DPYD: variants seen among roughly 807,000 people sequenced by gnomAD.
The protein encoded by DPYD is dihydropyrimidine dehydrogenase.
In DPYD, 109 loss-of-function variants were observed where a neutral mutation model predicts 116.2. The ratio of observed to expected loss-of-function variants is 0.94; its 90% CI spans 0.80 to 1.10. The LOEUF is 1.10. Among genes scored for constraint, DPYD ranks in the 50% least tolerant of loss-of-function variants. DPYD has a pLI of 0.00. For synonymous variants in DPYD, 440 were observed against 432.0 expected, an observed-to-expected ratio of 1.02 and a Z score of -0.23; for missense variants, 1,302 against 1,254.5, an observed-to-expected ratio of 1.04 and a Z score of -0.57.
At chr1:97,920,827 C>A (rs987484680) in intron 1 of DPYD, 57 bp downstream of exon 1, 2 of 1,561,336 alleles carry the variant, frequency 1.3e-6, no homozygotes, top group African/African-American at 1.4e-5. Flanking sequence ...CGGCACCTAC[C>A]CGCAGAGCAC....
At chr1:97,224,401 T>G (rs1222459565) in intron 19 of DPYD, among the ~76,000 whole-genome samples, 3 of 152,040 alleles carry the variant, frequency 2.0e-5, no homozygotes, top group African/African-American at 7.2e-5. Context: ...ATTATACAGA[T>G]TTAAGTGTAC....
chr1:97,918,045 A>G (rs967844334), intron 1 of DPYD, among the ~76,000 whole-genome samples: 3 of 152,188 alleles, frequency 2.0e-5, no homozygotes, highest in African/African-American at 7.2e-5. Flanking sequence ...TTTGTATTAA[A>G]GTCATCGTTG....
chr1:97,822,577 C>A (rs1571416561), intron 3 of DPYD, among the ~76,000 whole-genome samples: 1 of 151,576 alleles, frequency 6.6e-6, no homozygotes. Context: ...ATAATATATT[C>A]CTAGAAGGTA....
intron 11 of DPYD, among the ~76,000 whole-genome samples, chr1:97,558,360 TG>T (rs944238885): frequency 6.6e-6 from 1 of 152,148 alleles, no homozygotes; most frequent in Non-Finnish European, 1.5e-5. Flanking sequence ...GGTCAAAAAA[TG>T]TAGTATTTGT....
chr1:97,203,625 T>TA (rs1189994428), intron 19 of DPYD, among the ~76,000 whole-genome samples: 1 of 39,162 alleles, frequency 2.6e-5, no homozygotes, highest in African/African-American at 1.1e-4. Flanking sequence ...TAAAGTATAA[T>TA]AAAAAAAATA....
intron 18 of DPYD, among the ~76,000 whole-genome samples, chr1:97,237,491 A>G (rs1291899864): frequency 6.6e-6 from 1 of 152,144 alleles, no homozygotes; most frequent in Non-Finnish European, 1.5e-5. Flanking sequence ...TTGGATACAA[A>G]GTATTAAGTT....
intron 18 of DPYD, among the ~76,000 whole-genome samples, chr1:97,277,542 C>G (rs1189748270): frequency 6.6e-6 from 1 of 152,066 alleles, no homozygotes; most frequent in Non-Finnish European, 1.5e-5. Flanking sequence ...CATGCTCAGC[C>G]CAAACTATTT....
intron 7 of DPYD, among the ~76,000 whole-genome samples, chr1:97,681,343 A>G (rs1466285808): frequency 6.6e-6 from 1 of 152,122 alleles, no homozygotes; most frequent in Non-Finnish European, 1.5e-5. Flanking sequence ...TTGTGTTTCA[A>G]GAATATAAAG....
intron 8 of DPYD, among the ~76,000 whole-genome samples, chr1:97,615,306 A>G (rs1264820667): frequency 1.3e-5 from 2 of 152,110 alleles, no homozygotes; most frequent in Non-Finnish European, 2.9e-5. Flanking sequence ...TTTTTGAACT[A>G]TGAGATGATC....
At chr1:97,402,112 C>G (rs995904417) in intron 14 of DPYD, among the ~76,000 whole-genome samples, 8 of 152,096 alleles carry the variant, frequency 5.3e-5, no homozygotes, top group Non-Finnish European at 1.0e-4. Context: ...TCTGGGTCTT[C>G]TAGCATGCCT....
intron 8 of DPYD, among the ~76,000 whole-genome samples, chr1:97,605,628 T>C (rs1051876426): frequency 2.0e-5 from 3 of 152,054 alleles, no homozygotes; most frequent in Admixed American, 2.0e-4. Context: ...AACCAACTAA[T>C]ATACTACTTC....
At chr1:97,712,332 T>C (rs1662334468) in intron 5 of DPYD, among the ~76,000 whole-genome samples, 1 of 152,094 alleles carries the variant, frequency 6.6e-6, no homozygotes, top group South Asian at 2.1e-4. Flanking sequence ...TTTATGCCTC[T>C]ATCCAGCCCA....
intron 8 of DPYD, among the ~76,000 whole-genome samples, chr1:97,615,087 A>G (rs934165265): frequency 6.6e-6 from 1 of 152,162 alleles, no homozygotes; most frequent in African/African-American, 2.4e-5. Context: ...ACATTTGGAA[A>G]CTTGCATAAC....
At chr1:97,830,967 A>G (rs1368986290) in intron 2 of DPYD, among the ~76,000 whole-genome samples, 7 of 152,208 alleles carry the variant, frequency 4.6e-5, no homozygotes. Flanking sequence ...CAAAATGAGT[A>G]TTAGGCTAAC....
At chr1:97,155,641 T>A (rs1655391196) in intron 20 of DPYD, among the ~76,000 whole-genome samples, 1 of 152,190 alleles carries the variant, frequency 6.6e-6, no homozygotes, top group South Asian at 2.1e-4. Flanking sequence ...TTGATATTAT[T>A]ATTTCACAGA....
chr1:97,534,137 A>C (rs1216145633), intron 12 of DPYD, among the ~76,000 whole-genome samples: 2 of 152,184 alleles, frequency 1.3e-5, no homozygotes, highest in Non-Finnish European at 2.9e-5. Context: ...TTCATTGGCC[A>C]ACCACCAACA....
rs746758760 is a variant in DPYD at position 97,193,063 on chromosome 1, A to G, written c.2622+6T>C. ...CAAGAATAACACAGGAGATTTAAGC[A>G]CATACCTTGTCCATGAGTTCAGCTA... On this transcript the variant is annotated splice_donor_region_variant and intron_variant, in intron 20 of 22. Coordinates refer to ENST00000370192, the MANE Select transcript of DPYD (RefSeq NM_000110.4). The G allele has an allele frequency of 5.6e-6, 9 of 1,613,692 alleles. No homozygotes were observed. In the African/African-American group the frequency reaches 1.1e-4, roughly 19 times the overall value.
intron 5 of DPYD, among the ~76,000 whole-genome samples, chr1:97,708,054 G>A (rs1662081693): frequency 1.3e-5 from 2 of 151,920 alleles, no homozygotes; most frequent in Non-Finnish European, 2.9e-5. Flanking sequence ...CCCCAGGCTG[G>A]TCTCAAACTC....
Position 97,625,318 on chromosome 1 carries a change from A to AC in DPYD, c.851-30153_851-30152insG, listed in dbSNP as rs201556458. The stretch of plus-strand genomic sequence containing the variant: ...TCTAATTGGAAGGATTACATGTAAG[A>AC]AGAATTTCTGAACAAGAGTCTGCCT... On this transcript the variant is annotated intron_variant, in intron 8 of 22. Transcript: ENST00000370192. 8.7e-3 allele frequency among the ~76,000 whole-genome samples: 1,321 copies of AC among 152,184 alleles called. 20 individuals are homozygous for AC. The highest frequency in any genetic ancestry group is 0.029 in the African/African-American group (1,221 of 41,544).
Sources: gnomAD v4.1 joint callset for allele counts (sites outside exome capture counted in the v4.1 genomes callset) on GRCh38, gnomAD v4.1.1 for gene constraint, MANE v1.5 for transcripts, NCBI Gene and HGNC (gene_info 2026-07-23, HGNC 2026-07-21) for gene names.